ADCY2: variants seen among roughly 807,000 people sequenced by gnomAD.
The protein encoded by ADCY2 is adenylate cyclase 2, also known as adenylate cyclase type 2.
In ADCY2, 31 loss-of-function variants were observed where a neutral mutation model predicts 125.2. That is an observed-to-expected ratio of 0.25 (90% CI 0.19 to 0.33). The LOEUF (loss-of-function observed/expected upper bound fraction) is 0.33, where lower values mean the gene tolerates loss of function less well. Among genes scored for constraint, ADCY2 ranks in the 10% least tolerant of loss-of-function variants. The probability of loss-of-function intolerance (pLI) is 1.00; values close to 1 mark genes in which losing one functional copy is unlikely to be tolerated. For synonymous variants in ADCY2, 512 were observed against 548.4 expected (o/e 0.93, Z 0.93); for missense variants, 904 against 1,418.2 (o/e 0.64, Z 5.82).
At chr5:7,717,071 T>A in intron 11 of ADCY2, 86 bp from the exon 12 acceptor site, 2 of 815,064 alleles carry the variant, frequency 2.5e-6, no homozygotes, top group East Asian at 5.4e-5. Context: ...CATAAGGATG[T>A]AAAATATTAT....
chr5:7,796,583 G>A (rs1010846897), intron 20 of ADCY2: 16 of 152,186 alleles, frequency 1.1e-4, no homozygotes, highest in Non-Finnish European at 2.1e-4. Context: ...TCGGGCTCAT[G>A]GGCATAGGGC....
chr5:7,760,585 C>T (rs1743163891), intron 16 of ADCY2, among the ~76,000 whole-genome samples: 1 of 152,202 alleles, frequency 6.6e-6, no homozygotes, highest in Admixed American at 6.5e-5. Context: ...GGGGACAATA[C>T]ATTTAATATC....
At chr5:7,442,547 CT>C (rs1161197685) in intron 2 of ADCY2, among the ~76,000 whole-genome samples, 6 of 152,172 alleles carry the variant, frequency 3.9e-5, no homozygotes, top group Non-Finnish European at 8.8e-5. Flanking sequence ...CTTCCTGGGA[CT>C]GAGATAGATC....
chr5:7,627,408 G>A (rs1738171044), intron 4 of ADCY2, among the ~76,000 whole-genome samples: 1 of 152,196 alleles, frequency 6.6e-6, no homozygotes, highest in Admixed American at 6.5e-5. Flanking sequence ...GAGGGGCCCT[G>A]GATTTGCTGT....
chr5:7,648,165 G>A (rs1013076424), intron 4 of ADCY2, among the ~76,000 whole-genome samples: 2 of 151,720 alleles, frequency 1.3e-5, no homozygotes, highest in Non-Finnish European at 2.9e-5. Flanking sequence ...TTTCTTTTCA[G>A]TTTTACTGTA....
At chr5:7,734,024 T>C (rs1216138660) in intron 14 of ADCY2, among the ~76,000 whole-genome samples, 1 of 152,234 alleles carries the variant, frequency 6.6e-6, no homozygotes. Context: ...TTCCCTTTCA[T>C]TTTGAAGTTC....
intron 3 of ADCY2, among the ~76,000 whole-genome samples, chr5:7,552,787 A>G (rs1735380734): frequency 1.3e-5 from 2 of 152,100 alleles, no homozygotes; most frequent in South Asian, 2.1e-4. Context: ...AAAAGGCTAT[A>G]TTTTTTCTTA....
chr5:7,445,809 T>A (rs931410913), intron 2 of ADCY2, among the ~76,000 whole-genome samples: 2 of 152,240 alleles, frequency 1.3e-5, no homozygotes, highest in African/African-American at 4.8e-5. Flanking sequence ...TAAATTGGGT[T>A]TATTGATTTT....
chr5:7,486,515 G>A (rs1180278527), intron 2 of ADCY2, among the ~76,000 whole-genome samples: 12 of 152,292 alleles, frequency 7.9e-5, no homozygotes, highest in African/African-American at 2.2e-4. Flanking sequence ...GGCAACACCC[G>A]CTCTTTGCAG....
At chr5:7,820,910 T>C (rs1392294582) in intron 24 of ADCY2, among the ~76,000 whole-genome samples, 3 of 152,230 alleles carry the variant, frequency 2.0e-5, no homozygotes, top group Non-Finnish European at 4.4e-5. Context: ...CTATTATATT[T>C]GTGAAAACAA....
At chr5:7,645,995 C>T (rs1487349398) in intron 4 of ADCY2, among the ~76,000 whole-genome samples, 1 of 152,098 alleles carries the variant, frequency 6.6e-6, no homozygotes, top group East Asian at 1.9e-4. Context: ...AAGGTTAAAA[C>T]AAAGACTTTC....
intron 16 of ADCY2, among the ~76,000 whole-genome samples, chr5:7,766,361 A>G (rs1743378637): frequency 6.6e-6 from 1 of 152,226 alleles, no homozygotes; most frequent in Non-Finnish European, 1.5e-5. Flanking sequence ...TTGAATGTAT[A>G]TATGGTGATA....
chr5:7,763,908 C>T (rs1467119400), intron 16 of ADCY2, among the ~76,000 whole-genome samples: 1 of 152,194 alleles, frequency 6.6e-6, no homozygotes, highest in African/African-American at 2.4e-5. Context: ...CTGCCCTGAC[C>T]TGTCCCTGCT....
At chr5:7,430,346 A>G (rs1740543579) in intron 2 of ADCY2, among the ~76,000 whole-genome samples, 1 of 151,896 alleles carries the variant, frequency 6.6e-6, no homozygotes, top group Non-Finnish European at 1.5e-5. Context: ...TTCCCAACTC[A>G]TGTCATGGGG....
At chr5:7,743,512 G>A (rs781420700) in intron 14 of ADCY2, among the ~76,000 whole-genome samples, 156 bp from the exon 15 acceptor site, 2 of 152,186 alleles carry the variant, frequency 1.3e-5, no homozygotes, top group Admixed American at 6.5e-5. Context: ...GGACATGTAT[G>A]TGGCATTTTA....
intron 2 of ADCY2, among the ~76,000 whole-genome samples, chr5:7,498,774 T>C (rs1353893002): frequency 1.3e-5 from 2 of 152,164 alleles, no homozygotes; most frequent in Admixed American, 1.3e-4. Flanking sequence ...ACTACCTACA[T>C]GTCCACTAGC....
chr5:7,555,854 GCACACA>G (rs58926524), intron 3 of ADCY2, among the ~76,000 whole-genome samples: 3 of 142,554 alleles, frequency 2.1e-5, no homozygotes, highest in African/African-American at 5.4e-5. Context: ...ACATGTGAGC[GCACACA>G]CACACACACA....
chr5:7,525,771 G>A (rs1351172108), intron 3 of ADCY2, among the ~76,000 whole-genome samples: 1 of 152,070 alleles, frequency 6.6e-6, no homozygotes, highest in African/African-American at 2.4e-5. Flanking sequence ...TTCAATTGCA[G>A]CTCCCTTGAT....
intron 4 of ADCY2, among the ~76,000 whole-genome samples, chr5:7,639,568 T>C (rs1290530090): frequency 6.6e-6 from 1 of 152,238 alleles, no homozygotes; most frequent in Admixed American, 6.5e-5. Context: ...TCCTGAGTTA[T>C]TCTTACACCC....
Sources: gnomAD v4.1 joint callset for allele counts (sites outside exome capture counted in the v4.1 genomes callset) on GRCh38, gnomAD v4.1.1 for gene constraint, MANE v1.5 for transcripts, NCBI Gene and HGNC (gene_info 2026-07-23, HGNC 2026-07-21) for gene names.